TRPM6: variants seen among roughly 807,000 people sequenced by gnomAD.
TRPM6 encodes transient receptor potential cation channel subfamily M member 6.
Under a neutral mutation model 247.6 loss-of-function variants are expected in TRPM6, and 111 were observed. The ratio of observed to expected loss-of-function variants is 0.45; its 90% CI spans 0.38 to 0.52. TRPM6 has a LOEUF of 0.52. TRPM6 is among the 20% of genes least tolerant of loss of function. The probability of loss-of-function intolerance (pLI) is 0.00; values close to 1 mark genes in which losing one functional copy is unlikely to be tolerated. For synonymous variants in TRPM6, 892 were observed against 853.8 expected, an observed-to-expected ratio of 1.04 and a Z score of -0.78; for missense variants, 2,126 against 2,421.5, an observed-to-expected ratio of 0.88 and a Z score of 2.56.
chr9:74,851,644 G>C (rs1830316070), intron 3 of TRPM6, among the ~76,000 whole-genome samples: 1 of 151,672 alleles, frequency 6.6e-6, no homozygotes, highest in Non-Finnish European at 1.5e-5. Flanking sequence ...AGCTACTCGG[G>C]AGGCTGAGGC....
At chr9:74,814,819 C>T (rs1828868294) in intron 11 of TRPM6, among the ~76,000 whole-genome samples, 1 of 152,012 alleles carries the variant, frequency 6.6e-6, no homozygotes, top group Non-Finnish European at 1.5e-5. Context: ...TGTAGTGGCA[C>T]ACACCTGTGG....
chr9:74,753,435 C>T (rs1347455934), intron 28 of TRPM6, among the ~76,000 whole-genome samples: 3 of 152,016 alleles, frequency 2.0e-5, no homozygotes, highest in Non-Finnish European at 2.9e-5. Flanking sequence ...CCGGCTCATG[C>T]CTGTAATCCT....
At chr9:74,858,615 A>G (rs746151506) in intron 2 of TRPM6, 54 bp downstream of exon 2, 75 of 1,138,142 alleles carry the variant, frequency 6.6e-5, no homozygotes, top group Non-Finnish European at 9.4e-5. Context: ...GTTTCTATAA[A>G]TAGTCCATCA....
intron 20 of TRPM6, among the ~76,000 whole-genome samples, chr9:74,787,489 A>G (rs1381171406): frequency 1.3e-5 from 2 of 152,208 alleles, no homozygotes; most frequent in Non-Finnish European, 2.9e-5. Context: ...TCAGATAACT[A>G]TCTGTTTCTC....
At chr9:74,827,158 C>G (rs1829365701) in intron 7 of TRPM6, 1 of 153,754 alleles carries the variant, frequency 6.5e-6, no homozygotes, top group Non-Finnish European at 1.5e-5. Flanking sequence ...CTAGTCCCCT[C>G]AAGCTAGCCT....
chr9:74,760,907 C>CT (rs755727798), intron 27 of TRPM6, among the ~76,000 whole-genome samples: 32 of 152,218 alleles, frequency 2.1e-4, no homozygotes, highest in Non-Finnish European at 3.8e-4. Flanking sequence ...TTATGAAAGC[C>CT]TGTTTGGCTC....
At chr9:74,887,189 G>T (rs138904029) in intron 1 of TRPM6, 1 of 1,221,206 alleles carries the variant, frequency 8.2e-7, no homozygotes. Context: ...GGGCGGCGCC[G>T]CGTTGGGGAA....
At position 74,812,314 on chromosome 9, in the gene TRPM6, T is replaced by C; in HGVS notation, c.1428A>G (p.Glu476=). The C allele has an allele frequency of 6.2e-7, 1 of 1,613,812 alleles. No homozygotes were observed. Among genetic ancestry groups the C allele is most frequent in the South Asian group, 1.1e-5 (1 of 91,076 alleles). ...LHRFLTIPRL[E]ELYNTKQGPT... is the part of the protein sequence containing the mutation. Reference sequence around the variant, plus strand: ...CCATACTCACTGTATTGTAGAGCTCTTCCAGTCGAGGGATGGTAAGAAAGC... The same window carrying C: ...CCATACTCACTGTATTGTAGAGCTCCTCCAGTCGAGGGATGGTAAGAAAGC... Residue 476 remains glutamate, a synonymous_variant, in exon 12 of 39, where the codon GAA becomes GAG. Transcript: ENST00000360774.
intron 3 of TRPM6, among the ~76,000 whole-genome samples, chr9:74,853,821 C>A (rs1174971904): frequency 6.6e-6 from 1 of 151,844 alleles, no homozygotes; most frequent in Non-Finnish European, 1.5e-5. Context: ...CCTGCCAAAT[C>A]CCCCTCTCCG....
At chr9:74,852,994 C>CTGGG (rs1830394394) in intron 3 of TRPM6, among the ~76,000 whole-genome samples, 1 of 151,990 alleles carries the variant, frequency 6.6e-6, no homozygotes, top group Non-Finnish European at 1.5e-5. Context: ...GCCGCCCAGT[C>CTGGG]TGGGAAGTGA....
At chr9:74,775,797 G>T in intron 24 of TRPM6, 86 bp downstream of exon 24, 1 of 1,409,182 alleles carries the variant, frequency 7.1e-7, no homozygotes, top group South Asian at 1.2e-5. Context: ...ACAGTGCCCT[G>T]AACTTAATTT....
At chr9:74,861,404 T>G (rs983660401) in intron 1 of TRPM6, among the ~76,000 whole-genome samples, 2 of 152,146 alleles carry the variant, frequency 1.3e-5, no homozygotes, top group African/African-American at 4.8e-5. Flanking sequence ...TTTTTTAATT[T>G]TTTGTATTTT....
At chr9:74,867,990 TA>T (rs990631572) in intron 1 of TRPM6, among the ~76,000 whole-genome samples, 1 of 149,918 alleles carries the variant, frequency 6.7e-6, no homozygotes, top group African/African-American at 2.5e-5. Flanking sequence ...CCAACTCTAT[TA>T]AAAACAAAAA....
intron 3 of TRPM6, among the ~76,000 whole-genome samples, chr9:74,847,484 G>A (rs1300981625): frequency 6.6e-6 from 1 of 152,054 alleles, no homozygotes; most frequent in African/African-American, 2.4e-5. Flanking sequence ...ATGTTAATTT[G>A]CATTCAATAT....
At chr9:74,742,781 A>G (rs1263620768) in intron 32 of TRPM6, among the ~76,000 whole-genome samples, 155 bp from the exon 33 acceptor site, 1 of 152,244 alleles carries the variant, frequency 6.6e-6, no homozygotes, top group Non-Finnish European at 1.5e-5. Flanking sequence ...TACAGTCTTA[A>G]AAATAAACTA....
rs527917250 is a variant in TRPM6 at position 74,757,559 on chromosome 9, C to T, written c.4786-2086G>A. Among the ~76,000 whole-genome samples the T allele has an allele frequency of 5.7e-4, 72 of 126,836 alleles. No individual in the cohort carries two copies. In the East Asian group the frequency reaches 0.013, roughly 23 times the overall value. 83.2% of individuals were successfully genotyped at this position (126,836 alleles called of 152,430 possible). ...CCAGCCTGGGTGACAGAGAGAGACC[C>T]TGTCAAAAAAAAAAAAAAAAAAAGG... On this transcript the variant is annotated intron_variant, in intron 27 of 38. Coordinates refer to ENST00000360774, the MANE Select transcript of TRPM6 (RefSeq NM_017662.5).
chr9:74,885,315 A>G (rs1831498446), intron 1 of TRPM6, among the ~76,000 whole-genome samples: 1 of 152,220 alleles, frequency 6.6e-6, no homozygotes, highest in African/African-American at 2.4e-5. Context: ...AAAGAGTTAA[A>G]TCCACACATT....
rs1200959076 is a variant in TRPM6 at position 74,825,965 on chromosome 9, T to C, written c.841+1813A>G. On this transcript the variant is annotated intron_variant, in intron 7 of 38. Coordinates refer to ENST00000360774, the MANE Select transcript of TRPM6 (RefSeq NM_017662.5). ...AGAAGACCACATACCTGATCCTCTC[T>C]CCCCTTTTCCTGACCTGCATAAGCC... Among the ~76,000 whole-genome samples, 3 of 151,958 alleles carry C rather than the reference T, an allele frequency of 2.0e-5. No individual in the cohort carries two copies. The East Asian group carries it at 5.8e-4, about 30-fold the overall frequency.
chr9:74,790,672 C>G (rs947104406), intron 19 of TRPM6, among the ~76,000 whole-genome samples: 6 of 152,160 alleles, frequency 3.9e-5, no homozygotes, highest in African/African-American at 1.4e-4. Flanking sequence ...AGTTAGGTCT[C>G]AGTAAAATCG....
Sources: gnomAD v4.1 joint callset for allele counts (sites outside exome capture counted in the v4.1 genomes callset) on GRCh38, gnomAD v4.1.1 for gene constraint, MANE v1.5 for transcripts, NCBI Gene and HGNC (gene_info 2026-07-23, HGNC 2026-07-21) for gene names.